Variants in ZNF804B observed in about 807,000 individuals in gnomAD.
The protein encoded by ZNF804B is zinc finger 804B.
Under a neutral mutation model 101.4 loss-of-function variants are expected in ZNF804B, and 80 were observed. That is an observed-to-expected ratio of 0.79 (90% CI 0.66 to 0.95). The LOEUF is 0.95. ZNF804B is among the 40% of genes least tolerant of loss of function. The probability of loss-of-function intolerance (pLI) is 0.00; values close to 1 mark genes in which losing one functional copy is unlikely to be tolerated. For synonymous variants in ZNF804B, 622 were observed against 558.8 expected (o/e 1.11, Z -1.59); for missense variants, 1,673 against 1,561.9 (o/e 1.07, Z -1.20).
intron 1 of ZNF804B, among the ~76,000 whole-genome samples, chr7:88,886,056 A>T (rs1228853103): frequency 6.6e-6 from 1 of 152,164 alleles, no homozygotes; most frequent in Non-Finnish European, 1.5e-5. Flanking sequence ...CCACAAATAT[A>T]TATCTTACAT....
intron 1 of ZNF804B, among the ~76,000 whole-genome samples, chr7:88,825,531 T>C (rs1025656789): frequency 3.8e-4 from 42 of 109,880 alleles, no homozygotes; most frequent in African/African-American, 1.7e-3. Flanking sequence ...TTCCCACAGA[T>C]ACCTGTGTCC....
intron 1 of ZNF804B, among the ~76,000 whole-genome samples, chr7:88,967,335 C>T (rs1326495168): frequency 1.3e-5 from 2 of 151,566 alleles, no homozygotes; most frequent in South Asian, 2.1e-4. Context: ...GGAAGTGCTA[C>T]ACACTTGTAA....
At chr7:89,136,730 TGTGTGA>T (rs1242171475) in intron 1 of ZNF804B, among the ~76,000 whole-genome samples, 1 of 114,952 alleles carries the variant, frequency 8.7e-6, no homozygotes, top group Admixed American at 8.7e-5. Flanking sequence ...TATTTGTGTG[TGTGTGA>T]GTGTGTGTGT....
chr7:88,955,274 T>C (rs73202743), intron 1 of ZNF804B, among the ~76,000 whole-genome samples: 45,133 of 151,362 alleles, frequency 0.3, 6,923 homozygotes, highest in South Asian at 0.38. Flanking sequence ...TATAAACAAG[T>C]ATGTTGCTTT....
chr7:89,292,044 A>G (rs1033488214), intron 2 of ZNF804B, among the ~76,000 whole-genome samples: 4 of 152,118 alleles, frequency 2.6e-5, no homozygotes, highest in African/African-American at 4.8e-5. Context: ...ATTCCTAGTG[A>G]AAAAAATTCT....
At chr7:89,023,814 C>T (rs1788705419) in intron 1 of ZNF804B, among the ~76,000 whole-genome samples, 1 of 152,176 alleles carries the variant, frequency 6.6e-6, no homozygotes, top group Admixed American at 6.5e-5. Context: ...GACCTGAGCT[C>T]ATATGCCTAG....
In ZNF804B at chr7:89,177,491, A is replaced by AT. The variant is rs1295185366; in HGVS notation, c.109-40658dup. 2.0e-5 allele frequency among the ~76,000 whole-genome samples: 3 copies of AT among 151,988 alleles called. No individual in the cohort carries two copies. In the East Asian group the frequency reaches 5.8e-4, roughly 29 times the overall value. Reference sequence around the variant, plus strand: ...TGATTAGATACTTGATGTGATTTCCATTTTTTCGAATGTTTTAATGCTCGT... The same window carrying AT: ...TGATTAGATACTTGATGTGATTTCCATTTTTTTCGAATGTTTTAATGCTCGT... On this transcript the variant is annotated intron_variant, in intron 1 of 3. Coordinates refer to ENST00000333190, the MANE Select transcript of ZNF804B (RefSeq NM_181646.5).
chr7:88,879,618 C>A lies in ZNF804B; in HGVS notation c.108+119534C>A, dbSNP rs539199217. 2.0e-5 allele frequency among the ~76,000 whole-genome samples: 3 copies of A among 152,188 alleles called. No homozygotes were observed. In the South Asian group the frequency reaches 6.2e-4, roughly 32 times the overall value. ...AAGCCCCATGCATAGAAGAGTTTAC[C>A]AGGGTCAGTAAATTCCAACTCACAT... On this transcript the variant is annotated intron_variant, in intron 1 of 3. Coordinates refer to ENST00000333190, the MANE Select transcript of ZNF804B (RefSeq NM_181646.5).
At chr7:89,231,982 C>A (rs916135168) in intron 2 of ZNF804B, among the ~76,000 whole-genome samples, 1 of 152,036 alleles carries the variant, frequency 6.6e-6, no homozygotes, top group African/African-American at 2.4e-5. Flanking sequence ...GCAGAAATGG[C>A]CACTTTTGTG....
intron 2 of ZNF804B, among the ~76,000 whole-genome samples, chr7:89,272,556 T>C (rs1386786059): frequency 1.3e-5 from 2 of 152,236 alleles, no homozygotes; most frequent in African/African-American, 4.8e-5. Context: ...TGCAGGGTTC[T>C]AAACAACAGA....
intron 1 of ZNF804B, among the ~76,000 whole-genome samples, chr7:89,101,536 A>G (rs901399774): frequency 1.3e-5 from 2 of 152,022 alleles, no homozygotes; most frequent in African/African-American, 4.8e-5. Context: ...TCACATTTAT[A>G]AAAGGTGTGA....
At chr7:89,140,614 C>A (rs1452886330) in intron 1 of ZNF804B, among the ~76,000 whole-genome samples, 2 of 152,070 alleles carry the variant, frequency 1.3e-5, no homozygotes, top group Admixed American at 6.6e-5. Flanking sequence ...ATGAACCAAC[C>A]TCTGCTAGCT....
chr7:88,882,589 A>G (rs1583995695), intron 1 of ZNF804B, among the ~76,000 whole-genome samples: 1 of 152,322 alleles, frequency 6.6e-6, no homozygotes, highest in East Asian at 1.9e-4. Context: ...TGGTTGCAGT[A>G]CTATTCACAA....
At chr7:89,027,808 A>T (rs890848803) in intron 1 of ZNF804B, among the ~76,000 whole-genome samples, 1 of 152,162 alleles carries the variant, frequency 6.6e-6, no homozygotes, top group African/African-American at 2.4e-5. Flanking sequence ...TCATCCCTGA[A>T]CTGGTCAGAT....
At chr7:88,801,930 T>C (rs1306573533) in intron 1 of ZNF804B, among the ~76,000 whole-genome samples, 1 of 152,024 alleles carries the variant, frequency 6.6e-6, no homozygotes, top group Non-Finnish European at 1.5e-5. Flanking sequence ...TCTGATATGG[T>C]TTGGCTGTGT....
At chr7:89,071,402 G>T (rs1337815379) in intron 1 of ZNF804B, among the ~76,000 whole-genome samples, 1 of 152,142 alleles carries the variant, frequency 6.6e-6, no homozygotes, top group African/African-American at 2.4e-5. Flanking sequence ...CACTCAAGAA[G>T]TATAGAAAGT....
chr7:88,820,845 A>G (rs1790966213), intron 1 of ZNF804B, among the ~76,000 whole-genome samples: 1 of 152,170 alleles, frequency 6.6e-6, no homozygotes, highest in African/African-American at 2.4e-5. Context: ...TGAGAGTCCT[A>G]GGAATCTGCA....
In ZNF804B at chr7:88,818,700, C is replaced by G. The variant is rs140671905; in HGVS notation, c.108+58616C>G. ...ATAAACTTAGACTTGTAGTCAGAAG[C>G]CCTGGGTGACTTTCTCCTCTGCCAC... On this transcript the variant is annotated intron_variant, in intron 1 of 3. Transcript: ENST00000333190. 2.3e-3 allele frequency among the ~76,000 whole-genome samples: 346 copies of G among 152,272 alleles called. 3 individuals carry two copies. The highest frequency in any genetic ancestry group is 8.0e-3 in the African/African-American group (332 of 41,558).
At chr7:89,327,936 A>G (rs1367594711) in intron 3 of ZNF804B, among the ~76,000 whole-genome samples, 1 of 151,978 alleles carries the variant, frequency 6.6e-6, no homozygotes, top group Non-Finnish European at 1.5e-5. Context: ...TAAATTTACC[A>G]CACAGTGCCA....
Sources: gnomAD v4.1 joint callset for allele counts (sites outside exome capture counted in the v4.1 genomes callset) on GRCh38, gnomAD v4.1.1 for gene constraint, MANE v1.5 for transcripts, NCBI Gene and HGNC (gene_info 2026-07-23, HGNC 2026-07-21) for gene names.